Variants in PRKCZ observed in about 807,000 individuals in gnomAD.
PRKCZ encodes the protein protein kinase C zeta.
PRKCZ carries 33 observed loss-of-function variants against 79.5 expected under a neutral mutation model. The ratio of observed to expected loss-of-function variants is 0.41; its 90% confidence interval spans 0.31 to 0.55. PRKCZ has a LOEUF of 0.55. Among genes scored for constraint, PRKCZ ranks in the 20% least tolerant of loss-of-function variants. PRKCZ has a pLI of 0.19. For synonymous variants in PRKCZ, 342 were observed against 320.9 expected (o/e 1.07, Z -0.70); for missense variants, 578 against 813.5 (o/e 0.71, Z 3.52).
chr1:2,106,467 C>A (rs1557573961), intron 4 of PRKCZ, among the ~76,000 whole-genome samples: 1 of 147,878 alleles, frequency 6.8e-6, no homozygotes, highest in African/African-American at 2.6e-5. Flanking sequence ...GCAAGCCCCT[C>A]CAGTGGGCGA....
rs576217170 is a variant in PRKCZ at position 2,075,628 on chromosome 1, G to T, written c.334+16037G>T. ...GTTGTGTGTTCCTCTGCCCAACTCC[G>T]AGCTTGGTCCCACCTCCCAGACTCA... is the stretch of plus-strand genomic sequence containing the variant. On this transcript the variant is annotated intron_variant, in intron 4 of 17. Transcript: ENST00000378567. The surrounding 1 kb of genome is among the most constrained non-coding windows in gnomAD (Gnocchi z 4.8). Among the ~76,000 whole-genome samples the T allele has an allele frequency of 1.3e-5, 2 of 152,290 alleles. No individual in the cohort carries two copies. Among genetic ancestry groups the T allele is most frequent in the African/African-American group, 2.4e-5 (1 of 41,572 alleles).
At chr1:2,135,812 G>T (rs1241591925) in intron 5 of PRKCZ, among the ~76,000 whole-genome samples, 1 of 152,224 alleles carries the variant, frequency 6.6e-6, no homozygotes, top group Non-Finnish European at 1.5e-5. Flanking sequence ...GGCCACCCAC[G>T]GGGGCCCTTT....
In PRKCZ at chr1:2,175,951, G is replaced by A. The variant is rs116765466; in HGVS notation, c.1575+638G>A. Reference sequence around the variant, plus strand: ...AGTGGGGGCCGGCCTAGAGAAGGGCGTTTGCTTTGGTTTCATGGCCGGTTT... The same window carrying A: ...AGTGGGGGCCGGCCTAGAGAAGGGCATTTGCTTTGGTTTCATGGCCGGTTT... On this transcript the variant is annotated intron_variant, in intron 16 of 17. Transcript: ENST00000378567. Among the ~76,000 whole-genome samples, 511 of 152,274 alleles carry A rather than the reference G, an allele frequency of 3.4e-3. 3 individuals are homozygous for A. Among genetic ancestry groups the A allele is most frequent in the African/African-American group, 0.011 (475 of 41,554 alleles).
intron 4 of PRKCZ, among the ~76,000 whole-genome samples, chr1:2,112,361 G>A (rs1394691004): frequency 2.0e-5 from 3 of 152,186 alleles, no homozygotes; most frequent in African/African-American, 4.8e-5. Context: ...CCGGCGAGGC[G>A]GCCCGCGAAC....
chr1:2,098,441 C>T (rs1199435225), intron 4 of PRKCZ: 1 of 152,228 alleles, frequency 6.6e-6, no homozygotes, highest in African/African-American at 2.4e-5. Flanking sequence ...GCCCCAGCTT[C>T]AGCTCTTCGA....
Position 2,178,318 on chromosome 1 carries a change from T to C in PRKCZ, c.1575+3005T>C, listed in dbSNP as rs1472013886. Among the ~76,000 whole-genome samples, 1 of 152,166 alleles carries C rather than the reference T, an allele frequency of 6.6e-6. No homozygotes were observed. The highest frequency in any genetic ancestry group is 6.5e-5 in the Admixed American group (1 of 15,272). Reference sequence around the variant, plus strand: ...GCGGCCTTTCGTGCCTGCCCTCCCCTCAGCATTGTCTCCACAAGCTGCACC... The same window carrying C: ...GCGGCCTTTCGTGCCTGCCCTCCCCCCAGCATTGTCTCCACAAGCTGCACC... On this transcript the variant is annotated intron_variant, in intron 16 of 17. Transcript: ENST00000378567. This position sits in a 1 kb window ranked among gnomAD's most constrained non-coding sequence, Gnocchi z 4.3.
intron 4 of PRKCZ, among the ~76,000 whole-genome samples, chr1:2,063,018 C>T (rs1180008472): frequency 2.0e-5 from 3 of 150,756 alleles, no homozygotes; most frequent in Non-Finnish European, 4.4e-5. Flanking sequence ...TGAGTGGAAT[C>T]GCACAGGATC....
rs904395472 is a variant in PRKCZ at position 2,078,990 on chromosome 1, C to T, written c.334+19399C>T. Among the ~76,000 whole-genome samples, 84 of 152,036 alleles carry T rather than the reference C, an allele frequency of 5.5e-4. 3 individuals carry two copies. The highest frequency in any genetic ancestry group is 1.6e-4 in the Non-Finnish European group (11 of 67,974). Reference sequence around the variant, plus strand: ...CCTGAGTAGCTGGGACTACAGGCGCCCGCCACCACGCCCAGCTAATTTTTT... The same window carrying T: ...CCTGAGTAGCTGGGACTACAGGCGCTCGCCACCACGCCCAGCTAATTTTTT... On this transcript the variant is annotated intron_variant, in intron 4 of 17. Transcript: ENST00000378567.
intron 4 of PRKCZ, among the ~76,000 whole-genome samples, chr1:2,076,122 C>CTG (rs1662363603): frequency 6.6e-6 from 1 of 152,156 alleles, no homozygotes; most frequent in Non-Finnish European, 1.5e-5. Flanking sequence ...GGGGCCGGGG[C>CTG]TGAGGGGGTG....
At chr1:2,147,732 C>T (rs533771435) in intron 7 of PRKCZ, among the ~76,000 whole-genome samples, 1 of 137,434 alleles carries the variant, frequency 7.3e-6, no homozygotes, top group Admixed American at 7.1e-5. Context: ...GTCCACTGAC[C>T]TCTCCATCTA....
At chr1:2,115,858 C>T (rs982643489) in intron 4 of PRKCZ, among the ~76,000 whole-genome samples, 8 of 152,202 alleles carry the variant, frequency 5.3e-5, no homozygotes, top group African/African-American at 1.4e-4. Context: ...TTCACCAACT[C>T]GGACACTCTC....
chr1:2,078,059 G>C (rs1258675952), intron 4 of PRKCZ, among the ~76,000 whole-genome samples: 1 of 152,190 alleles, frequency 6.6e-6, no homozygotes, highest in African/African-American at 2.4e-5. Context: ...CTTCCCAGAA[G>C]AGGGGCAGCT....
chr1:2,100,628 G>A (rs963965884), intron 4 of PRKCZ, among the ~76,000 whole-genome samples: 4 of 152,158 alleles, frequency 2.6e-5, no homozygotes, highest in African/African-American at 4.8e-5. Flanking sequence ...GCGGGGCCTC[G>A]GGGAGCAGGT....
At chr1:2,114,545 G>A (rs1490598901) in intron 4 of PRKCZ, among the ~76,000 whole-genome samples, 1 of 152,228 alleles carries the variant, frequency 6.6e-6, no homozygotes, top group Non-Finnish European at 1.5e-5. Context: ...GGAGGCCGAG[G>A]CGGGTAGATC....
rs936955970 is a variant in PRKCZ at position 2,082,781 on chromosome 1, C to G, written c.334+23190C>G. Reference sequence around the variant, plus strand: ...CGTCCGGGGGTGGCTTTGAGGACACCTGTCCTCCTTCACAGGGGCACTCCG... The same window carrying G: ...CGTCCGGGGGTGGCTTTGAGGACACGTGTCCTCCTTCACAGGGGCACTCCG... On this transcript the variant is annotated intron_variant, in intron 4 of 17. Coordinates refer to ENST00000378567, the MANE Select transcript of PRKCZ (RefSeq NM_002744.6). This position sits in a 1 kb window ranked among gnomAD's most constrained non-coding sequence, Gnocchi z 4.4. Among the ~76,000 whole-genome samples the G allele has an allele frequency of 6.6e-6, 1 of 151,966 alleles. No homozygotes were observed. Among genetic ancestry groups the G allele is most frequent in the Non-Finnish European group, 1.5e-5 (1 of 67,986 alleles).
intron 10 of PRKCZ, chr1:2,156,793 C>G (rs1447214871): frequency 6.6e-6 from 1 of 152,470 alleles, no homozygotes; most frequent in Admixed American, 6.5e-5. Flanking sequence ...TGTGACAACT[C>G]ATGGTTTTTG....
In PRKCZ at chr1:2,149,374, G is replaced by T. The variant is rs262672; in HGVS notation, c.687+450G>T. Among the ~76,000 whole-genome samples, 35,882 of 152,156 alleles carry T rather than the reference G, an allele frequency of 0.24. 4,880 individuals are homozygous for T. The highest frequency in any genetic ancestry group is 0.33 in the Admixed American group (5,075 of 15,290). On this transcript the variant is annotated intron_variant, in intron 8 of 17. Transcript: ENST00000378567. This position sits in a 1 kb window ranked among gnomAD's most constrained non-coding sequence, Gnocchi z 4.1. ...GGCTCAACTGAGCCTCACGTCTGTG[G>T]CCAGCTCTGCACCATAAACCCTGAG...
In PRKCZ at chr1:2,148,878, A is replaced by C. The variant is rs766979028; in HGVS notation, c.641A>C (p.Tyr214Ser). The stretch of plus-strand genomic sequence containing the variant: ...TTCCTCCCTCTCTCACCAGTTGCTT[A>C]CATTTCCTCATCCCGGAAGCATGAC... ...LPSEETDGIA[Y>S]ISSSRKHDSI... is the part of the protein sequence containing the mutation. Residue 214 changes from tyrosine to serine, a missense_variant, in exon 8 of 18, where the codon TAC becomes TCC. Physicochemically the swap from Tyr to Ser is moderately radical, Grantham distance 144 (BLOSUM62 -2). Around this residue, in one of 4 missense-constraint regions of PRKCZ, gnomAD observed 91 missense variants for 97.5 expected, o/e 0.93. Transcript: ENST00000378567. The C allele has an allele frequency of 1.9e-6, 3 of 1,613,884 alleles. No individual in the cohort carries two copies. Among genetic ancestry groups the C allele is most frequent in the Non-Finnish European group, 2.5e-6 (3 of 1,179,864 alleles).
intron 4 of PRKCZ, among the ~76,000 whole-genome samples, chr1:2,087,942 G>A (rs2459990): frequency 0.41 from 61,699 of 152,082 alleles, 13,827 homozygotes; most frequent in East Asian, 0.83. Flanking sequence ...GGCTGGGAAC[G>A]CTGGGACGGC....
Sources: gnomAD v4.1 joint callset for allele counts (sites outside exome capture counted in the v4.1 genomes callset) on GRCh38, gnomAD v4.1.1 for gene constraint, gnomAD v4.1.1 regional missense constraint, Gnocchi (gnomAD v3.1) non-coding constraint, MANE v1.5 for transcripts, NCBI Gene and HGNC (gene_info 2026-07-23, HGNC 2026-07-21) for gene names.